The following SPRED2 variants were observed in gnomAD, a reference collection of about 807,000 sequenced individuals.
The protein encoded by SPRED2 is sprouty related EVH1 domain containing 2.
SPRED2 carries 47 observed loss-of-function variants against 43.0 expected under a neutral mutation model. The observed-to-expected ratio is 1.09, with a 90% CI of 0.87 to 1.40. SPRED2 has a LOEUF of 1.40. SPRED2 is among the 40% of genes most tolerant of loss of function. SPRED2 has a pLI of 0.00. For missense variants in SPRED2, 561 were observed against 586.4 expected, an observed-to-expected ratio of 0.96 and a Z score of 0.45; for synonymous variants, 225 against 225.7, an observed-to-expected ratio of 1.00 and a Z score of 0.03.
At chr2:65,364,455 A>C (rs927641959) in intron 1 of SPRED2, among the ~76,000 whole-genome samples, 8 of 152,268 alleles carry the variant, frequency 5.3e-5, no homozygotes, top group Admixed American at 2.0e-4. Flanking sequence ...AAGGGAAAGA[A>C]GGCATCTAAA....
chr2:65,427,578 A>C (rs1300976519), intron 1 of SPRED2, among the ~76,000 whole-genome samples: 1 of 152,202 alleles, frequency 6.6e-6, no homozygotes, highest in Non-Finnish European at 1.5e-5. Context: ...CCAACTCTGA[A>C]TTTGCACTAC....
chr2:65,329,207 G>A (rs6546147), intron 4 of SPRED2, among the ~76,000 whole-genome samples: 36,085 of 152,100 alleles, frequency 0.24, 5,380 homozygotes, highest in African/African-American at 0.42. Flanking sequence ...GGGAAGCTGT[G>A]GACCACATGT....
chr2:65,395,479 CCAA>C (rs1675738164), intron 1 of SPRED2, among the ~76,000 whole-genome samples: 1 of 152,148 alleles, frequency 6.6e-6, no homozygotes, highest in South Asian at 2.1e-4. Flanking sequence ...CAGCTGAACC[CCAA>C]CTCCCTCACA....
intron 4 of SPRED2, among the ~76,000 whole-genome samples, chr2:65,331,703 G>C (rs945276639): frequency 6.6e-6 from 1 of 152,166 alleles, no homozygotes; most frequent in African/African-American, 2.4e-5. Context: ...CAGGGCAGCT[G>C]GTCATCCTAA....
chr2:65,331,100 G>A (rs1673798494), intron 4 of SPRED2, among the ~76,000 whole-genome samples: 1 of 152,074 alleles, frequency 6.6e-6, no homozygotes, highest in Non-Finnish European at 1.5e-5. Flanking sequence ...TGTGGGTCAA[G>A]GCCCAGAATT....
At chr2:65,388,762 G>A (rs532396178) in intron 1 of SPRED2, among the ~76,000 whole-genome samples, 3 of 152,152 alleles carry the variant, frequency 2.0e-5, no homozygotes, top group South Asian at 4.1e-4. Flanking sequence ...TTGTGTTCAC[G>A]GATGTTTCCT....
At chr2:65,346,618 C>G (rs1303741813) in intron 1 of SPRED2, among the ~76,000 whole-genome samples, 3 of 152,132 alleles carry the variant, frequency 2.0e-5, no homozygotes, top group Non-Finnish European at 4.4e-5. Flanking sequence ...CTTTCCCTTT[C>G]CTAACCTAAA....
At chr2:65,316,481 C>G (rs761478273) in intron 5 of SPRED2, among the ~76,000 whole-genome samples, 15 of 152,198 alleles carry the variant, frequency 9.9e-5, no homozygotes, top group Non-Finnish European at 2.2e-4. Flanking sequence ...TGAAGACTTG[C>G]CTTGTGGGGC....
intron 1 of SPRED2, among the ~76,000 whole-genome samples, chr2:65,357,389 T>C (rs764519912): frequency 3.3e-5 from 5 of 152,130 alleles, no homozygotes; most frequent in Admixed American, 6.5e-5. Flanking sequence ...AAGCTATTCA[T>C]ACAAAGAACT....
chr2:65,402,391 G>A (rs187166805), intron 1 of SPRED2, among the ~76,000 whole-genome samples: 13 of 152,180 alleles, frequency 8.5e-5, no homozygotes, highest in Admixed American at 6.5e-4. Flanking sequence ...CCGGGTAAGC[G>A]GGCTGCCCAC....
intron 4 of SPRED2, among the ~76,000 whole-genome samples, chr2:65,322,294 A>ATT (rs1178902612): frequency 0.074 from 4,748 of 64,086 alleles, 456 homozygotes; most frequent in Non-Finnish European, 0.08. Context: ...ATATATATAT[A>ATT]TTTTTTTTTT....
chr2:65,426,088 T>C (rs1326862914), intron 1 of SPRED2, among the ~76,000 whole-genome samples: 2 of 152,272 alleles, frequency 1.3e-5, no homozygotes, highest in Admixed American at 1.3e-4. Context: ...CTGTGATTTC[T>C]GCAGAGATTC....
intron 3 of SPRED2, among the ~76,000 whole-genome samples, chr2:65,332,846 A>G (rs1368242838): frequency 6.6e-6 from 1 of 152,254 alleles, no homozygotes; most frequent in South Asian, 2.1e-4. Context: ...ACAATAATGC[A>G]TGGATCAACT....
intron 1 of SPRED2, among the ~76,000 whole-genome samples, chr2:65,367,513 C>T (rs1478041780): frequency 6.6e-6 from 1 of 151,838 alleles, no homozygotes; most frequent in African/African-American, 2.4e-5. Flanking sequence ...CTAATTTATA[C>T]CTAAACAAGG....
In SPRED2 at chr2:65,415,930, G is replaced by A. The variant is rs1041030342; in HGVS notation, c.26+16032C>T. Among the ~76,000 whole-genome samples, 4 of 152,268 alleles carry A rather than the reference G, an allele frequency of 2.6e-5. No individual in the cohort carries two copies. In the South Asian group the frequency reaches 6.2e-4, roughly 24 times the overall value. ...ATTCCTCTCCTCAGCTCACTAATAC[G>A]AATGTGTGTCACCTTTTAAATACCA... On this transcript the variant is annotated intron_variant, in intron 1 of 5. Coordinates refer to ENST00000356388, the MANE Select transcript of SPRED2 (RefSeq NM_181784.3).
intron 1 of SPRED2, among the ~76,000 whole-genome samples, chr2:65,431,418 G>C (rs919218790): frequency 9.9e-5 from 15 of 151,696 alleles, no homozygotes; most frequent in African/African-American, 3.6e-4. Flanking sequence ...AGACCCCCGC[G>C]CAGCCCGCGC....
Position 65,334,505 on chromosome 2 carries a change from C to T in SPRED2, c.373+100G>A, listed in dbSNP as rs574258107. 361 of 1,469,040 alleles carry T rather than the reference C, an allele frequency of 2.5e-4. 6 individuals are homozygous for T. Among genetic ancestry groups the T allele is most frequent in the South Asian group, 1.9e-3 (146 of 77,526 alleles). 91.0% of individuals were successfully genotyped at this position (1,469,040 alleles called of 1,614,324 possible). ...CTACTGACCTGGTCCCAAACCCTCC[C>T]GCAAATAAACCACAAATAAATGATG... On this transcript the variant is annotated intron_variant, in intron 3 of 5. Coordinates refer to ENST00000356388, the MANE Select transcript of SPRED2 (RefSeq NM_181784.3).
At chr2:65,360,733 G>A (rs922728403) in intron 1 of SPRED2, among the ~76,000 whole-genome samples, 3 of 152,168 alleles carry the variant, frequency 2.0e-5, no homozygotes, top group African/African-American at 7.2e-5. Flanking sequence ...TGATGAAAAC[G>A]TTCTAGAGAT....
intron 1 of SPRED2, among the ~76,000 whole-genome samples, chr2:65,355,917 A>G (rs1365346695): frequency 6.6e-6 from 1 of 152,216 alleles, no homozygotes; most frequent in Non-Finnish European, 1.5e-5. Flanking sequence ...TTTGTGATCC[A>G]CATTTAAACC....
Sources: allele counts gnomAD v4.1 joint callset (sites outside exome capture counted in the v4.1 genomes callset), GRCh38; gene constraint gnomAD v4.1.1; transcripts MANE v1.5; gene names NCBI Gene and HGNC (gene_info 2026-07-23, HGNC 2026-07-21).